LTBP1: variants seen among roughly 807,000 people sequenced by gnomAD.
The protein encoded by LTBP1 is latent transforming growth factor beta binding protein 1.
In LTBP1, 129 loss-of-function variants were observed where a neutral mutation model predicts 207.6. The ratio of observed to expected loss-of-function variants is 0.62; its 90% CI spans 0.54 to 0.72. The LOEUF is 0.72. Among genes scored for constraint, LTBP1 ranks in the 30% least tolerant of loss-of-function variants. The probability of loss-of-function intolerance (pLI) is 0.00; values close to 1 mark genes in which losing one functional copy is unlikely to be tolerated. For missense variants in LTBP1, 2,281 were observed against 2,217.2 expected (o/e 1.03, Z -0.58); for synonymous variants, 963 against 833.7 (o/e 1.16, Z -2.67).
rs544163019 is a variant in LTBP1 at position 33,258,530 on chromosome 2, G to A, written c.2395+1019G>A. Among the ~76,000 whole-genome samples the A allele has an allele frequency of 1.3e-4, 20 of 152,210 alleles. No individual in the cohort carries two copies. In the East Asian group the frequency reaches 3.9e-3, roughly 29 times the overall value. ...CTTTCACTCACTGCATTTCTTCCTT[G>A]GTGAGGCAGAACAGGCAAAACCTCA... On this transcript the variant is annotated intron_variant, in intron 12 of 33. Transcript: ENST00000404816.
intron 5 of LTBP1, among the ~76,000 whole-genome samples, chr2:33,140,002 G>C (rs1372280467): frequency 6.6e-6 from 1 of 152,184 alleles, no homozygotes; most frequent in Admixed American, 6.5e-5. Context: ...GAAGAGAGAA[G>C]TGCTTTCAGT....
chr2:33,008,813 C>A lies in LTBP1; in HGVS notation c.566-12096C>A, dbSNP rs1205505821. Among the ~76,000 whole-genome samples the A allele has an allele frequency of 3.3e-5, 5 of 152,202 alleles. No homozygotes were observed. The East Asian group carries it at 9.6e-4, about 29-fold the overall frequency. On this transcript the variant is annotated intron_variant, in intron 2 of 33. Coordinates refer to ENST00000404816, the MANE Select transcript of LTBP1 (RefSeq NM_206943.4). ...ACAAGGGCTGCTGTTTTGGGAAGGG[C>A]AGCCCCAGAGAAGGCTGAGTGGTTT...
intron 3 of LTBP1, among the ~76,000 whole-genome samples, chr2:33,084,270 T>G (rs768280506): frequency 3.9e-5 from 6 of 152,180 alleles, no homozygotes; most frequent in Non-Finnish European, 8.8e-5. Context: ...TGCTTTTAAA[T>G]TTTCAGCTGA....
intron 3 of LTBP1, among the ~76,000 whole-genome samples, chr2:33,090,996 G>A (rs2079054203): frequency 6.6e-6 from 1 of 152,176 alleles, no homozygotes; most frequent in Non-Finnish European, 1.5e-5. Context: ...GGCTTCCATA[G>A]TGTGCACAGA....
At chr2:33,233,403 T>G (rs6744939) in intron 9 of LTBP1, among the ~76,000 whole-genome samples, 2 of 152,162 alleles carry the variant, frequency 1.3e-5, no homozygotes, top group Non-Finnish European at 2.9e-5. Context: ...TTGTTTTATA[T>G]TGTTTAAGTA....
chr2:33,301,336 T>C (rs1401196856), intron 21 of LTBP1, among the ~76,000 whole-genome samples, 186 bp from the exon 22 acceptor site: 1 of 152,242 alleles, frequency 6.6e-6, no homozygotes, highest in East Asian at 1.9e-4. Flanking sequence ...CACGTCTTCA[T>C]GTATACTCTG....
chr2:33,191,737 C>A (rs1231163604), intron 7 of LTBP1, among the ~76,000 whole-genome samples: 2 of 152,062 alleles, frequency 1.3e-5, no homozygotes, highest in Non-Finnish European at 2.9e-5. Flanking sequence ...AAAACAAAAC[C>A]CTGGATAAAT....
intron 15 of LTBP1, among the ~76,000 whole-genome samples, chr2:33,268,704 A>G (rs2093245425): frequency 6.6e-6 from 1 of 152,226 alleles, no homozygotes; most frequent in East Asian, 1.9e-4. Flanking sequence ...GATATTTACA[A>G]AGTGGAAACA....
intron 4 of LTBP1, among the ~76,000 whole-genome samples, chr2:33,126,569 C>G (rs1200525783): frequency 6.6e-6 from 1 of 152,214 alleles, no homozygotes; most frequent in Non-Finnish European, 1.5e-5. Context: ...AAAGAATTAG[C>G]TGACAGCTGG....
chr2:33,308,683 T>C (rs1188854080), intron 22 of LTBP1, among the ~76,000 whole-genome samples: 1 of 152,244 alleles, frequency 6.6e-6, no homozygotes, highest in African/African-American at 2.4e-5. Flanking sequence ...AACAATGTAA[T>C]ATTTTATGTT....
At chr2:33,006,676 C>G (rs112147535) in intron 2 of LTBP1, among the ~76,000 whole-genome samples, 1 of 142,988 alleles carries the variant, frequency 7.0e-6, no homozygotes, top group Non-Finnish European at 1.5e-5. Context: ...AACCACCATG[C>G]CTGACCCGAG....
chr2:33,305,593 C>T (rs767993376), intron 22 of LTBP1, among the ~76,000 whole-genome samples: 25 of 152,176 alleles, frequency 1.6e-4, no homozygotes, highest in Middle Eastern at 6.8e-3. Flanking sequence ...ACTTTTGATG[C>T]CCAAGATGAA....
chr2:33,203,297 C>T (rs1004841991), intron 7 of LTBP1, among the ~76,000 whole-genome samples: 1 of 152,190 alleles, frequency 6.6e-6, no homozygotes, highest in Admixed American at 6.5e-5. Context: ...GGGGTAAGAT[C>T]CAAAGAGGGA....
chr2:33,048,215 A>G (rs1211886937), intron 3 of LTBP1, among the ~76,000 whole-genome samples: 1 of 152,154 alleles, frequency 6.6e-6, no homozygotes, highest in Non-Finnish European at 1.5e-5. Context: ...GTCTTCATGG[A>G]AAGAGATGAA....
intron 4 of LTBP1, among the ~76,000 whole-genome samples, chr2:33,124,056 T>C (rs1266108003): frequency 6.6e-6 from 1 of 152,232 alleles, no homozygotes; most frequent in African/African-American, 2.4e-5. Context: ...ATAACATGTT[T>C]TAAAAATTTG....
At chr2:33,042,409 A>G (rs1304424631) in intron 3 of LTBP1, among the ~76,000 whole-genome samples, 1 of 152,176 alleles carries the variant, frequency 6.6e-6, no homozygotes, top group Admixed American at 6.5e-5. Flanking sequence ...GCTTTTCCTC[A>G]GTGTGATTTT....
chr2:33,161,321 A>G (rs1422637566), intron 5 of LTBP1, among the ~76,000 whole-genome samples: 4 of 145,138 alleles, frequency 2.8e-5, no homozygotes, highest in African/African-American at 7.7e-5. Flanking sequence ...GTGCGGTGAC[A>G]TGATTTCAGC....
chr2:33,223,300 A>C lies in LTBP1; in HGVS notation c.1876+1149A>C, dbSNP rs148484861. Among the ~76,000 whole-genome samples the C allele has an allele frequency of 3.8e-3, 586 of 152,312 alleles. 1 individual carries two copies. The Middle Eastern group carries it at 0.051, about 13-fold the overall frequency. ...TCTGTGTAACTTTTATGATATGTAG[A>C]GTCTTTGGTAACATAAAAGAATTTA... On this transcript the variant is annotated intron_variant, in intron 9 of 33. Coordinates refer to ENST00000404816, the MANE Select transcript of LTBP1 (RefSeq NM_206943.4).
intron 25 of LTBP1, among the ~76,000 whole-genome samples, chr2:33,345,895 A>G (rs1284504856): frequency 2.0e-5 from 3 of 152,340 alleles, no homozygotes; most frequent in African/African-American, 7.2e-5. Context: ...CAGGTGCTTT[A>G]CTGAATTGGA....
Sources: allele counts gnomAD v4.1 joint callset (sites outside exome capture counted in the v4.1 genomes callset), GRCh38; gene constraint gnomAD v4.1.1; transcripts MANE v1.5; gene names NCBI Gene and HGNC (gene_info 2026-07-23, HGNC 2026-07-21).